The following PRKCB variants were observed in gnomAD, a reference collection of about 807,000 sequenced individuals.
PRKCB encodes protein kinase C beta type.
In PRKCB, 13 loss-of-function variants were observed where a neutral mutation model predicts 81.5. That is an observed-to-expected ratio of 0.16 (90% confidence interval 0.10 to 0.25). The LOEUF (loss-of-function observed/expected upper bound fraction) is 0.25, where lower values mean the gene tolerates loss of function less well. Ranked by LOEUF, PRKCB falls within the 10% of genes least tolerant of loss-of-function variation. The pLI is 1.00. For missense variants in PRKCB, 509 were observed against 875.7 expected (o/e 0.58, Z 5.29); for synonymous variants, 335 against 321.4 (o/e 1.04, Z -0.45).
chr16:24,213,117 C>T (rs1281465597), intron 16 of PRKCB, among the ~76,000 whole-genome samples: 2 of 152,032 alleles, frequency 1.3e-5, no homozygotes, highest in Non-Finnish European at 2.9e-5. Context: ...CGACTGCAAC[C>T]TCCGCCTCCC....
chr16:23,959,368 C>T (rs1330616216), intron 2 of PRKCB, among the ~76,000 whole-genome samples: 2 of 152,170 alleles, frequency 1.3e-5, no homozygotes, highest in Non-Finnish European at 2.9e-5. Context: ...TGGAAGGGGG[C>T]ATTTCTGACT....
At chr16:24,085,107 G>T (rs1230150306) in intron 5 of PRKCB, among the ~76,000 whole-genome samples, 1 of 151,136 alleles carries the variant, frequency 6.6e-6, no homozygotes, top group Non-Finnish European at 1.5e-5. Flanking sequence ...TGATGGACCA[G>T]GGGAAAGGAA....
At chr16:23,872,406 A>G (rs1023405003) in intron 2 of PRKCB, among the ~76,000 whole-genome samples, 7 of 152,122 alleles carry the variant, frequency 4.6e-5, no homozygotes, top group Non-Finnish European at 4.4e-5. Flanking sequence ...CTGTAGTCCT[A>G]CCTACTCGGG....
intron 5 of PRKCB, among the ~76,000 whole-genome samples, chr16:24,076,512 G>A (rs1966179268): frequency 6.6e-6 from 1 of 152,148 alleles, no homozygotes; most frequent in African/African-American, 2.4e-5. Context: ...AGAATTCACT[G>A]GCTTTGTTCC....
chr16:24,172,297 G>A lies in PRKCB; in HGVS notation c.1267G>A (p.Val423Met). The change falls in exon 11 of 17, where the codon GTG becomes ATG. Residue 423 changes from valine to methionine, a missense_variant. Val to Met is a conservative substitution (Grantham distance 21, BLOSUM62 1). This residue lies in a region of PRKCB where 106 missense variants were observed against 214.0 expected (regional missense o/e 0.50). Transcript: ENST00000643927. ...CCGCCTGTACTTTGTGATGGAGTACGTGAATGGGGGCGACCTCATGTATCA... is the reference window on the plus strand; with the variant it reads ...CCGCCTGTACTTTGTGATGGAGTACATGAATGGGGGCGACCTCATGTATCA... ...MDRLYFVMEY[V>M]NGGDLMYHIQ... 1 of 1,614,000 alleles carries A rather than the reference G, an allele frequency of 6.2e-7. No homozygotes were observed. Among genetic ancestry groups the A allele is most frequent in the South Asian group, 1.1e-5 (1 of 91,060 alleles).
chr16:24,193,022 C>T (rs575266828), intron 16 of PRKCB, among the ~76,000 whole-genome samples: 49 of 151,964 alleles, frequency 3.2e-4, no homozygotes, highest in African/African-American at 1.1e-3. Flanking sequence ...TGCAGTAGCG[C>T]GATCATAGCT....
intron 2 of PRKCB, among the ~76,000 whole-genome samples, chr16:23,980,321 G>A (rs1305412526): frequency 6.6e-6 from 1 of 152,218 alleles, no homozygotes; most frequent in African/African-American, 2.4e-5. Flanking sequence ...TAGGTACTTG[G>A]TAGAGTTTAA....
At chr16:24,027,793 A>G (rs1209102594) in intron 3 of PRKCB, among the ~76,000 whole-genome samples, 1 of 152,166 alleles carries the variant, frequency 6.6e-6, no homozygotes, top group Non-Finnish European at 1.5e-5. Context: ...TTTTTGAGAC[A>G]GGGTCTTGCT....
intron 16 of PRKCB, among the ~76,000 whole-genome samples, chr16:24,195,992 C>G (rs1967872317): frequency 6.6e-6 from 1 of 152,210 alleles, no homozygotes; most frequent in South Asian, 2.1e-4. Flanking sequence ...CCCCACCGTG[C>G]CTTGCCTTTT....
At chr16:23,955,205 G>A (rs1427013703) in intron 2 of PRKCB, among the ~76,000 whole-genome samples, 2 of 126,818 alleles carry the variant, frequency 1.6e-5, no homozygotes, top group Admixed American at 8.7e-5. Context: ...CTGGGCGAGC[G>A]AGACTGTCTC....
At chr16:24,065,847 G>T (rs1966026604) in intron 5 of PRKCB, among the ~76,000 whole-genome samples, 1 of 151,858 alleles carries the variant, frequency 6.6e-6, no homozygotes, top group South Asian at 2.1e-4. Context: ...CATCTCTGGG[G>T]AAAAAAAATC....
chr16:24,213,916 C>A (rs1347975687), intron 16 of PRKCB, among the ~76,000 whole-genome samples: 1 of 152,158 alleles, frequency 6.6e-6, no homozygotes, highest in African/African-American at 2.4e-5. Context: ...CTCTCTAGAA[C>A]CTGATTGCTT....
intron 2 of PRKCB, among the ~76,000 whole-genome samples, chr16:23,881,839 A>C (rs11864224): frequency 0.9 from 137,276 of 151,830 alleles, 62,135 homozygotes; most frequent in East Asian, 0.96. Flanking sequence ...CTTCCTCCCC[A>C]CCGAGCCTCT....
intron 5 of PRKCB, among the ~76,000 whole-genome samples, chr16:24,084,622 T>TGTTATATATATTTAATGAG (rs889493299): frequency 4.6e-5 from 7 of 152,268 alleles, no homozygotes; most frequent in African/African-American, 1.7e-4. Flanking sequence ...TATATTAACT[T>TGTTATATATATTTAATGAG]GTTAAGGAAA....
At chr16:23,924,295 C>T (rs912196904) in intron 2 of PRKCB, among the ~76,000 whole-genome samples, 2 of 152,024 alleles carry the variant, frequency 1.3e-5, no homozygotes, top group Non-Finnish European at 2.9e-5. Context: ...TGAGGCCTCC[C>T]CAACCATGCG....
intron 2 of PRKCB, among the ~76,000 whole-genome samples, chr16:23,895,266 C>G (rs759272869): frequency 1.3e-5 from 2 of 152,018 alleles, no homozygotes; most frequent in African/African-American, 4.8e-5. Context: ...TACTGAGTTC[C>G]TATTTTTAGT....
chr16:24,008,080 ATTC>A (rs1965152587), intron 3 of PRKCB, among the ~76,000 whole-genome samples: 1 of 152,218 alleles, frequency 6.6e-6, no homozygotes, highest in African/African-American at 2.4e-5. Flanking sequence ...ATAATTCTTC[ATTC>A]TTCATTACAC....
chr16:24,167,854 T>C (rs1967371995), intron 10 of PRKCB, among the ~76,000 whole-genome samples: 1 of 152,228 alleles, frequency 6.6e-6, no homozygotes, highest in Non-Finnish European at 1.5e-5. Flanking sequence ...CACTGGCAAG[T>C]TACTTACCCT....
chr16:24,189,000 A>G (rs551642474), intron 15 of PRKCB, among the ~76,000 whole-genome samples: 157 of 152,242 alleles, frequency 1.0e-3, no homozygotes, highest in African/African-American at 3.6e-3. Flanking sequence ...TGTGAACCAA[A>G]ACCTCACTGC....
Sources: allele counts gnomAD v4.1 joint callset (sites outside exome capture counted in the v4.1 genomes callset), GRCh38; gene constraint gnomAD v4.1.1; regional missense constraint gnomAD v4.1.1; transcripts MANE v1.5; gene names NCBI Gene and HGNC (gene_info 2026-07-23, HGNC 2026-07-21).